The following CC2D2A variants were observed in gnomAD, a reference collection of about 807,000 sequenced individuals.
CC2D2A encodes coiled-coil and C2 domain-containing protein 2A.
Under a neutral mutation model 212.9 loss-of-function variants are expected in CC2D2A, and 155 were observed. The ratio of observed to expected loss-of-function variants is 0.73; its 90% CI spans 0.64 to 0.83. The LOEUF is 0.83. CC2D2A is among the 40% of genes least tolerant of loss of function. CC2D2A has a pLI of 0.00. For synonymous variants in CC2D2A, 667 were observed against 686.5 expected (o/e 0.97, Z 0.44); for missense variants, 1,856 against 1,956.2 (o/e 0.95, Z 0.97).
intron 30 of CC2D2A, 102 bp from the exon 31 acceptor site, chr4:15,586,055 A>G: frequency 1.3e-6 from 1 of 763,232 alleles, no homozygotes; most frequent in Non-Finnish European, 2.2e-6. Flanking sequence ...CATTTTGTAC[A>G]TGTAAATGTT....
In CC2D2A at chr4:15,479,509, G is replaced by T. The variant is rs545371246; in HGVS notation, c.123+703G>T. On this transcript the variant is annotated intron_variant, in intron 3 of 36. Transcript: ENST00000424120. ...AGGGGTGGCCAGGAGAGATGAAGAG[G>T]TCATAGGGAGACAGAAGAGACCTCC... is the stretch of plus-strand genomic sequence containing the variant. 3.9e-5 allele frequency among the ~76,000 whole-genome samples: 6 copies of T among 152,220 alleles called. No homozygotes were observed. The South Asian group carries it at 1.2e-3, about 32-fold the overall frequency.
At chr4:15,556,162 T>C (rs1376359680) in intron 20 of CC2D2A, among the ~76,000 whole-genome samples, 1 of 152,230 alleles carries the variant, frequency 6.6e-6, no homozygotes, top group African/African-American at 2.4e-5. Context: ...ATACAATTGG[T>C]TTTATTGGCA....
intron 13 of CC2D2A, among the ~76,000 whole-genome samples, chr4:15,531,482 T>C (rs1314748807): frequency 6.6e-6 from 1 of 152,160 alleles, no homozygotes; most frequent in East Asian, 1.9e-4. Context: ...TTAAATTGCA[T>C]TTTCTCCTGA....
chr4:15,570,079 T>G (rs1720085990), intron 27 of CC2D2A, among the ~76,000 whole-genome samples: 1 of 152,150 alleles, frequency 6.6e-6, no homozygotes, highest in African/African-American at 2.4e-5. Context: ...AAGGAGCTAG[T>G]TTTTTTATTT....
In CC2D2A at chr4:15,479,273, C is replaced by T. The variant is rs1036189318; in HGVS notation, c.123+467C>T. On this transcript the variant is annotated intron_variant, in intron 3 of 36. Coordinates refer to ENST00000424120, the MANE Select transcript of CC2D2A (RefSeq NM_001378615.1). ...GCTGGCAGATCCTCCCCCACCTCTC[C>T]GCAGGAGTTCCCCTCCTAGGCTGGG... 15 of 1,537,074 alleles carry T rather than the reference C, an allele frequency of 9.8e-6. No individual in the cohort carries two copies. In the Admixed American group the frequency reaches 1.8e-4, roughly 18 times the overall value.
chr4:15,499,001 T>G (rs1715772292), intron 4 of CC2D2A, among the ~76,000 whole-genome samples: 1 of 152,206 alleles, frequency 6.6e-6, no homozygotes, highest in African/African-American at 2.4e-5. Flanking sequence ...ATCAGCTAGT[T>G]GTACAGACCT....
At chr4:15,555,283 C>G in intron 20 of CC2D2A, 73 bp downstream of exon 20, 2 of 1,543,968 alleles carry the variant, frequency 1.3e-6, no homozygotes, top group Non-Finnish European at 1.8e-6. Flanking sequence ...ACTATCTTCT[C>G]CTATGCAATA....
chr4:15,597,062 T>C (rs1453261703), intron 34 of CC2D2A, among the ~76,000 whole-genome samples: 1 of 152,134 alleles, frequency 6.6e-6, no homozygotes, highest in African/African-American at 2.4e-5. Flanking sequence ...CATAAACACA[T>C]TGTGTTAATG....
chr4:15,499,002 G>A (rs1715772464), intron 4 of CC2D2A, among the ~76,000 whole-genome samples: 1 of 152,104 alleles, frequency 6.6e-6, no homozygotes, highest in South Asian at 2.1e-4. Flanking sequence ...TCAGCTAGTT[G>A]TACAGACCTG....
intron 34 of CC2D2A, among the ~76,000 whole-genome samples, chr4:15,596,937 T>C (rs1231364865): frequency 6.6e-6 from 1 of 152,140 alleles, no homozygotes; most frequent in Non-Finnish European, 1.5e-5. Context: ...TGCCACTAAA[T>C]ATAAAGTTAA....
At chr4:15,490,265 C>T (rs1367326445) in intron 4 of CC2D2A, among the ~76,000 whole-genome samples, 1 of 152,126 alleles carries the variant, frequency 6.6e-6, no homozygotes, top group Non-Finnish European at 1.5e-5. Flanking sequence ...ACATTTTTAT[C>T]ACCACAAAAA....
chr4:15,486,619 A>T (rs1715016502), intron 4 of CC2D2A, among the ~76,000 whole-genome samples: 1 of 151,742 alleles, frequency 6.6e-6, no homozygotes, highest in African/African-American at 2.4e-5. Context: ...CATTTCATTG[A>T]TCTTTTCTAC....
At chr4:15,527,746 A>T in intron 12 of CC2D2A, 90 bp downstream of exon 12, 1 of 930,856 alleles carries the variant, frequency 1.1e-6, no homozygotes, top group South Asian at 1.7e-5. Flanking sequence ...CAAAATGTTC[A>T]TGCCCCTCTT....
intron 29 of CC2D2A, chr4:15,576,315 C>T (rs1720403278): frequency 2.2e-6 from 2 of 919,984 alleles, no homozygotes; most frequent in African/African-American, 3.6e-5. Context: ...AGGTCTCATC[C>T]TAAAATTATA....
At chr4:15,492,566 C>T (rs1715368606) in intron 4 of CC2D2A, among the ~76,000 whole-genome samples, 1 of 151,174 alleles carries the variant, frequency 6.6e-6, no homozygotes, top group African/African-American at 2.4e-5. Context: ...CAAAGTGGGG[C>T]TCCCTAGGCT....
intron 13 of CC2D2A, among the ~76,000 whole-genome samples, chr4:15,530,816 CCACCTCAAG>C (rs1381133626): frequency 3.9e-5 from 6 of 152,000 alleles, no homozygotes; most frequent in Non-Finnish European, 7.4e-5. Flanking sequence ...CGAGAACTCC[CCACCTCAAG>C]CATCTGCTGA....
chr4:15,550,263 T>C (rs1481862491), intron 17 of CC2D2A, among the ~76,000 whole-genome samples: 1 of 152,162 alleles, frequency 6.6e-6, no homozygotes, highest in Non-Finnish European at 1.5e-5. Context: ...ATTGGCTCCA[T>C]CTAGGAGAAG....
chr4:15,580,837 G>A lies in CC2D2A; in HGVS notation c.3975+666G>A, dbSNP rs180974744. Reference sequence around the variant, plus strand: ...AGTTATACACATTCAACTGTACTAAGATAACTATCCAGTATTACGCCTAAT... The same window carrying A: ...AGTTATACACATTCAACTGTACTAAAATAACTATCCAGTATTACGCCTAAT... On this transcript the variant is annotated intron_variant, in intron 30 of 36. Coordinates refer to ENST00000424120, the MANE Select transcript of CC2D2A (RefSeq NM_001378615.1). Among the ~76,000 whole-genome samples the A allele has an allele frequency of 3.0e-3, 454 of 152,226 alleles. 1 individual carries two copies. The highest frequency in any genetic ancestry group is 4.4e-3 in the Non-Finnish European group (300 of 68,008).
intron 14 of CC2D2A, 82 bp downstream of exon 14, chr4:15,533,415 G>A: frequency 9.2e-7 from 1 of 1,083,538 alleles, no homozygotes; most frequent in Non-Finnish European, 1.3e-6. Context: ...AGTTTTAAAA[G>A]TAATTACAAA....
Sources: gnomAD v4.1 joint callset for allele counts (sites outside exome capture counted in the v4.1 genomes callset) on GRCh38, gnomAD v4.1.1 for gene constraint, MANE v1.5 for transcripts, NCBI Gene and HGNC (gene_info 2026-07-23, HGNC 2026-07-21) for gene names.